Variants in SP2 observed in about 807,000 individuals in gnomAD.
The protein encoded by SP2 is transcription factor Sp2.
Under a neutral mutation model 50.1 loss-of-function variants are expected in SP2, and 9 were observed. The observed-to-expected ratio is 0.18, with a 90% CI of 0.11 to 0.31. The LOEUF is 0.31. Among genes scored for constraint, SP2 ranks in the 10% least tolerant of loss-of-function variants. The pLI is 1.00. For synonymous variants in SP2, 313 were observed against 326.6 expected (o/e 0.96, Z 0.45); for missense variants, 581 against 806.5 (o/e 0.72, Z 3.39).
chr17:47,904,344 G>T (rs1050380143), intron 1 of SP2, among the ~76,000 whole-genome samples: 2 of 151,868 alleles, frequency 1.3e-5, no homozygotes, highest in Admixed American at 6.6e-5. Context: ...AACAGTTTTC[G>T]TGGCATGCAT....
In SP2 at chr17:47,916,057, A is replaced by G; in HGVS notation, c.85-99A>G. On this transcript the variant is annotated intron_variant, in intron 2 of 6. Transcript: ENST00000376741. The surrounding 1 kb of genome is among the most constrained non-coding windows in gnomAD (Gnocchi z 4.7). ...CATGCCTGCCCCGGAGGTGGGGAAG[A>G]CTGGCGTGGAATGCCGCCAGGAGGA... 1 of 1,403,118 alleles carries G rather than the reference A, an allele frequency of 7.1e-7. No individual in the cohort carries two copies. Among genetic ancestry groups the G allele is most frequent in the East Asian group, 2.3e-5 (1 of 43,644 alleles). The allele number at this position is 1,403,118 out of a possible 1,614,324, so 86.9% of individuals were successfully genotyped here. A position where few individuals can be genotyped will look rare whatever the true frequency, so the allele number is the denominator to read the frequency against.
chr17:47,924,962 G>A lies in SP2; in HGVS notation c.1416G>A (p.Leu472=), dbSNP rs1176353255. The A allele has an allele frequency of 5.0e-6, 8 of 1,612,978 alleles. No individual in the cohort carries two copies. Among genetic ancestry groups the A allele is most frequent in the Non-Finnish European group, 6.8e-6 (8 of 1,179,156 alleles). The part of the protein sequence containing the change: ...LTVQNVSGNN[L]TISGLSPTQI... ...TGCAGAATGTTTCTGGGAACAACCT[G>A]ACCATCAGTGGGCTGAGCCCCACCC... The change falls in exon 5 of 7, where the codon CTG becomes CTA. Residue 472 remains leucine, a synonymous_variant. Transcript: ENST00000376741.
At position 47,915,351 on chromosome 17, in the gene SP2, C is replaced by T. The variant is rs780228227; in HGVS notation, c.47C>T (p.Pro16Leu). ...TSMAATAAVS[P>L]SDYLQPAAST... is the part of the protein sequence containing the mutation. ...ATGGCTGCCACTGCTGCTGTGAGTC[C>T]CAGTGACTACCTGCAGCCTGCCGCC... The change falls in exon 2 of 7, where the codon CCC becomes CTC. Residue 16 changes from proline to leucine, a missense_variant. Physicochemically the swap from Pro to Leu is moderately conservative, Grantham distance 98. Transcript: ENST00000376741. The T allele has an allele frequency of 6.2e-7, 1 of 1,613,346 alleles. No homozygotes were observed. Among genetic ancestry groups the T allele is most frequent in the Non-Finnish European group, 8.5e-7 (1 of 1,179,616 alleles).
chr17:47,926,752 C>T (rs1038691833), intron 6 of SP2, among the ~76,000 whole-genome samples: 6 of 151,466 alleles, frequency 4.0e-5, no homozygotes, highest in African/African-American at 1.5e-4. Flanking sequence ...AGCGGGAGCC[C>T]ATCTCTTAAA....
chr17:47,916,662 G>A lies in SP2; in HGVS notation c.591G>A (p.Gly197=), dbSNP rs1476754118. The change falls in exon 3 of 7, where the codon GGG becomes GGA. Residue 197 remains glycine (G), a synonymous_variant. Transcript: ENST00000376741. The surrounding 1 kb of genome is among the most constrained non-coding windows in gnomAD (Gnocchi z 4.7). Reference sequence around the variant, plus strand: ...CGACCACCACCCCCGTGCAGAGCGGGGCCAATGTGGTGAAGCTGACAGGTG... The same window carrying A: ...CGACCACCACCCCCGTGCAGAGCGGAGCCAATGTGGTGAAGCTGACAGGTG... ...SSTTTTPVQS[G]ANVVKLTGGG... The A allele has an allele frequency of 6.2e-7, 1 of 1,613,750 alleles. No individual in the cohort carries two copies. Among genetic ancestry groups the A allele is most frequent in the African/African-American group, 1.3e-5 (1 of 74,872 alleles).
At chr17:47,901,775 A>G (rs571869553) in intron 1 of SP2, among the ~76,000 whole-genome samples, 3 of 152,112 alleles carry the variant, frequency 2.0e-5, no homozygotes, top group South Asian at 2.1e-4. Context: ...AGGATATGCA[A>G]ATCTGCAGCT....
At chr17:47,910,283 GA>G (rs1225190629) in intron 1 of SP2, among the ~76,000 whole-genome samples, 1 of 152,146 alleles carries the variant, frequency 6.6e-6, no homozygotes, top group Non-Finnish European at 1.5e-5. Context: ...AAACAGAATA[GA>G]AAAATATCAC....
Position 47,927,984 on chromosome 17 carries a change from C to T in SP2, c.*160C>T, listed in dbSNP as rs574462036. 12 of 603,956 alleles carry T rather than the reference C, an allele frequency of 2.0e-5. No individual in the cohort carries two copies. The highest frequency in any genetic ancestry group is 3.6e-5 in the Non-Finnish European group (12 of 335,180). 37.4% of individuals were successfully genotyped at this position (603,956 alleles called of 1,614,324 possible). ...GAAGGGGCTCTGTTCCCTGTATTGT[C>T]CTCCTTCTGAAGCCCCTTGGCTCTG... is the stretch of plus-strand genomic sequence containing the variant. On this transcript the variant is annotated 3_prime_UTR_variant, in exon 7 of 7. Coordinates refer to ENST00000376741, the MANE Select transcript of SP2 (RefSeq NM_003110.6).
At chr17:47,896,435 C>A (rs1205246494) in intron 1 of SP2, 142 bp downstream of exon 1, 2 of 351,694 alleles carry the variant, frequency 5.7e-6, no homozygotes, top group East Asian at 5.8e-5. Flanking sequence ...TCAGGAGGGG[C>A]GGGGGAGGGA....
At chr17:47,903,478 G>A (rs1206801060) in intron 1 of SP2, among the ~76,000 whole-genome samples, 1 of 149,204 alleles carries the variant, frequency 6.7e-6, no homozygotes, top group African/African-American at 2.5e-5. Context: ...CCAGCCTGGC[G>A]AACATGGTGA....
chr17:47,920,013 T>C (rs1267539254), intron 3 of SP2, among the ~76,000 whole-genome samples: 2 of 151,670 alleles, frequency 1.3e-5, no homozygotes, highest in African/African-American at 4.8e-5. Flanking sequence ...ATTTTTTTTG[T>C]ATTTTTAGTA....
chr17:47,930,535 T>C, downstream of SP2, among the ~76,000 whole-genome samples: 1 of 152,222 alleles, frequency 6.6e-6, no homozygotes, highest in East Asian at 1.9e-4. Context: ...TCCCTTGGGA[T>C]GGCTAAGAGC....
rs368951804 is a variant in SP2, at chr17:47,925,385, A to G, written c.1585A>G (p.Ile529Val). The part of the protein sequence containing the change: ...EQGKKKHVCH[I>V]PDCGKTFRKT... ...GGGCAAGAAGAAGCACGTGTGCCAC[A>G]TCCCCGACTGTGGCAAGACGTTCCG... Residue 529 changes from isoleucine (I) to valine (V), a missense_variant, in exon 6 of 7, where the codon ATC (isoleucine) becomes GTC (valine). This residue lies in a region of SP2 where 184 missense variants were observed against 315.5 expected (regional missense o/e 0.58). Coordinates refer to ENST00000376741, the MANE Select transcript of SP2 (RefSeq NM_003110.6). 196 of 1,614,052 alleles carry G rather than the reference A, an allele frequency of 1.2e-4. No individual in the cohort carries two copies. Among genetic ancestry groups the G allele is most frequent in the Non-Finnish European group, 1.7e-4 (195 of 1,180,040 alleles).
At chr17:47,915,764 C>T (rs1265583543) in intron 2 of SP2, among the ~76,000 whole-genome samples, 1 of 152,044 alleles carries the variant, frequency 6.6e-6, no homozygotes, top group Admixed American at 6.5e-5. Context: ...TTTTTCCTCC[C>T]TCCTTTCCTC....
intron 1 of SP2, among the ~76,000 whole-genome samples, chr17:47,904,855 G>C (rs770827300): frequency 6.6e-6 from 1 of 152,062 alleles, no homozygotes; most frequent in Non-Finnish European, 1.5e-5. Context: ...CTGCAGCCTC[G>C]ACTTCCTGGA....
chr17:47,921,816 T>C (rs1465516879), intron 3 of SP2, among the ~76,000 whole-genome samples: 2 of 152,226 alleles, frequency 1.3e-5, no homozygotes, highest in East Asian at 3.8e-4. Context: ...AAGGCCTGGG[T>C]GCTAGGTAAG....
downstream of SP2, among the ~76,000 whole-genome samples, chr17:47,930,344 C>A (rs144910087): frequency 1.6e-4 from 25 of 152,326 alleles, no homozygotes; most frequent in Middle Eastern, 3.4e-3. Context: ...ATGATCCTTT[C>A]CTGGGAGCTG....
chr17:47,896,338 G>A, intron 1 of SP2, 45 bp downstream of exon 1: 1 of 1,234,282 alleles, frequency 8.1e-7, no homozygotes, highest in African/African-American at 1.6e-5. Context: ...GCCCCCAAGG[G>A]TCAGGAAGAC....
intron 1 of SP2, among the ~76,000 whole-genome samples, chr17:47,913,780 GA>G (rs1265489435): frequency 6.6e-6 from 1 of 151,342 alleles, no homozygotes; most frequent in Non-Finnish European, 1.5e-5. Flanking sequence ...CTTTATTTAA[GA>G]AAAAAAGTAC....
Sources: gnomAD v4.1 joint callset for allele counts (sites outside exome capture counted in the v4.1 genomes callset) on GRCh38, gnomAD v4.1.1 for gene constraint, gnomAD v4.1.1 regional missense constraint, Gnocchi (gnomAD v3.1) non-coding constraint, MANE v1.5 for transcripts, NCBI Gene and HGNC (gene_info 2026-07-23, HGNC 2026-07-21) for gene names.